The following KIAA1328 variants were observed in gnomAD, a reference collection of about 807,000 sequenced individuals.
KIAA1328 encodes protein hinderin.
In KIAA1328, 52 loss-of-function variants were observed where a neutral mutation model predicts 68.1. The observed-to-expected ratio is 0.76, with a 90% CI of 0.61 to 0.96. The LOEUF is 0.96. Ranked by LOEUF, KIAA1328 falls within the 40% of genes least tolerant of loss-of-function variation. The pLI is 0.00. For missense variants in KIAA1328, 641 were observed against 677.6 expected, an observed-to-expected ratio of 0.95 and a Z score of 0.60; for synonymous variants, 232 against 239.4, an observed-to-expected ratio of 0.97 and a Z score of 0.28.
At chr18:37,169,395 C>T (rs1227246305) in intron 8 of KIAA1328, among the ~76,000 whole-genome samples, 7 of 151,886 alleles carry the variant, frequency 4.6e-5, no homozygotes, top group Non-Finnish European at 8.8e-5. Context: ...TAGAACACTT[C>T]ACCTCATTGT....
chr18:37,159,362 T>C (rs1411995081), intron 7 of KIAA1328, among the ~76,000 whole-genome samples: 1 of 152,306 alleles, frequency 6.6e-6, no homozygotes, highest in East Asian at 1.9e-4. Context: ...GTTTAAACGT[T>C]TTAATTTTAG....
Position 36,887,131 on chromosome 18 carries a change from C to G in KIAA1328, c.448+1459C>G, listed in dbSNP as rs577693957. Among the ~76,000 whole-genome samples the G allele has an allele frequency of 5.7e-5, 8 of 140,538 alleles. No individual in the cohort carries two copies. In the South Asian group the frequency reaches 1.8e-3, roughly 31 times the overall value. The allele number at this position is 140,538 out of a possible 152,430, so 92.2% of individuals were successfully genotyped here. A position where few individuals can be genotyped will look rare whatever the true frequency, so the allele number is the denominator to read the frequency against. ...CTTTCTCTTTTTTTTTTTTTTTTGG[C>G]CCACTTTGACTTCATTGCCCTTGGT... On this transcript the variant is annotated intron_variant, in intron 5 of 9. Coordinates refer to ENST00000280020, the MANE Select transcript of KIAA1328 (RefSeq NM_020776.3).
intron 9 of KIAA1328, among the ~76,000 whole-genome samples, chr18:37,180,575 A>C (rs1050315895): frequency 9.2e-5 from 14 of 152,130 alleles, no homozygotes; most frequent in Non-Finnish European, 1.8e-4. Flanking sequence ...TCAATTATGC[A>C]TAGCAGTCAG....
chr18:37,172,463 A>T (rs1056083623), intron 8 of KIAA1328, among the ~76,000 whole-genome samples: 2 of 152,208 alleles, frequency 1.3e-5, no homozygotes, highest in African/African-American at 4.8e-5. Context: ...GAACTTTCCC[A>T]TGGCACTCGA....
intron 4 of KIAA1328, among the ~76,000 whole-genome samples, chr18:36,866,563 A>G (rs1349859941): frequency 6.6e-6 from 1 of 152,214 alleles, no homozygotes; most frequent in Non-Finnish European, 1.5e-5. Context: ...ATGAACAAAC[A>G]CATTATATTT....
intron 6 of KIAA1328, among the ~76,000 whole-genome samples, chr18:36,981,748 G>A (rs2052696838): frequency 7.1e-6 from 1 of 141,252 alleles, no homozygotes; most frequent in African/African-American, 2.5e-5. Flanking sequence ...CACGACACCT[G>A]GCTAATTGTT....
In KIAA1328 at chr18:37,160,203, A is replaced by G; in HGVS notation, c.1236A>G (p.Leu412=). 1 of 1,610,608 alleles carries G rather than the reference A, an allele frequency of 6.2e-7. No individual in the cohort carries two copies. The highest frequency in any genetic ancestry group is 8.5e-7 in the Non-Finnish European group (1 of 1,178,242). The change falls in exon 8 of 10, where the codon TTA becomes TTG. Residue 412 remains leucine (L), a synonymous_variant. Coordinates refer to ENST00000280020, the MANE Select transcript of KIAA1328 (RefSeq NM_020776.3). ...TCATTCATCGTTGTTCTTTCAGTTT[A>G]TTGAAGTCAAACTGTGATGGCTGGC... ...LHQSRLDYNC[L]LKSNCDGWLL... is the part of the protein sequence containing the mutation.
At chr18:37,043,718 GT>G (rs2055352383) in intron 6 of KIAA1328, among the ~76,000 whole-genome samples, 1 of 152,176 alleles carries the variant, frequency 6.6e-6, no homozygotes, top group Non-Finnish European at 1.5e-5. Context: ...AAGATATCAT[GT>G]TCAAACAGAG....
At chr18:36,899,729 T>A (rs2048976640) in intron 5 of KIAA1328, among the ~76,000 whole-genome samples, 1 of 151,942 alleles carries the variant, frequency 6.6e-6, no homozygotes, top group African/African-American at 2.4e-5. Context: ...TTACATATGT[T>A]AAAGAAATAG....
At chr18:37,002,622 A>G (rs1259274801) in intron 6 of KIAA1328, among the ~76,000 whole-genome samples, 1 of 152,010 alleles carries the variant, frequency 6.6e-6, no homozygotes, top group African/African-American at 2.4e-5. Context: ...TATACCTAGG[A>G]ATAAATTTAG....
At chr18:36,847,506 T>C (rs2150824086) in intron 4 of KIAA1328, among the ~76,000 whole-genome samples, 1 of 151,670 alleles carries the variant, frequency 6.6e-6, no homozygotes, top group South Asian at 2.1e-4. Flanking sequence ...AATGTGATTA[T>C]TGGTGTGATA....
intron 5 of KIAA1328, among the ~76,000 whole-genome samples, chr18:36,891,723 C>G (rs532287984): frequency 2.0e-5 from 3 of 152,292 alleles, no homozygotes; most frequent in African/African-American, 7.2e-5. Flanking sequence ...GGCCACTTAG[C>G]TTGGGCCCAT....
chr18:37,076,737 A>T (rs1473668514), intron 7 of KIAA1328, among the ~76,000 whole-genome samples: 1 of 152,106 alleles, frequency 6.6e-6, no homozygotes, highest in East Asian at 1.9e-4. Flanking sequence ...AATCTAGAAG[A>T]AATGGATAAA....
At chr18:37,022,614 ACT>A (rs1189973636) in intron 6 of KIAA1328, among the ~76,000 whole-genome samples, 1 of 151,828 alleles carries the variant, frequency 6.6e-6, no homozygotes, top group African/African-American at 2.4e-5. Context: ...CCAATAAAAA[ACT>A]CTGAAAAATA....
chr18:37,064,904 G>T (rs950456639), intron 6 of KIAA1328, among the ~76,000 whole-genome samples: 14 of 152,180 alleles, frequency 9.2e-5, no homozygotes, highest in Admixed American at 9.2e-4. Flanking sequence ...CTTCAGCCCA[G>T]TGAAACAGAT....
chr18:37,037,662 TCA>T (rs985196204), intron 6 of KIAA1328, among the ~76,000 whole-genome samples: 2 of 152,068 alleles, frequency 1.3e-5, no homozygotes, highest in African/African-American at 4.8e-5. Flanking sequence ...GGCAGGTGGA[TCA>T]CCTGAGGTCA....
At position 37,024,283 on chromosome 18, in the gene KIAA1328, G is replaced by A. The variant is rs571610587; in HGVS notation, c.577-42607G>A. ...CCCAAAATGCTGCAATTACAGGCATGAGCCACCATGCCTGGCCTGTTATTC... is the reference window on the plus strand; with the variant it reads ...CCCAAAATGCTGCAATTACAGGCATAAGCCACCATGCCTGGCCTGTTATTC... On this transcript the variant is annotated intron_variant, in intron 6 of 9. Transcript: ENST00000280020. 8.6e-5 allele frequency among the ~76,000 whole-genome samples: 13 copies of A among 151,854 alleles called. No homozygotes were observed. The East Asian group carries it at 9.7e-4, about 11-fold the overall frequency.
intron 6 of KIAA1328, among the ~76,000 whole-genome samples, chr18:36,974,587 G>A (rs2052385412): frequency 1.3e-5 from 2 of 152,084 alleles, no homozygotes; most frequent in African/African-American, 4.8e-5. Context: ...TTGCTATTGT[G>A]AATAGTGTTG....
At chr18:36,969,684 C>T (rs1391362375) in intron 6 of KIAA1328, among the ~76,000 whole-genome samples, 1 of 152,172 alleles carries the variant, frequency 6.6e-6, no homozygotes, top group African/African-American at 2.4e-5. Context: ...GATAAATTCA[C>T]AGCCAAATTC....
Sources: gnomAD v4.1 joint callset for allele counts (sites outside exome capture counted in the v4.1 genomes callset) on GRCh38, gnomAD v4.1.1 for gene constraint, MANE v1.5 for transcripts, NCBI Gene and HGNC (gene_info 2026-07-23, HGNC 2026-07-21) for gene names.